PLCXD3: variants seen among roughly 807,000 people sequenced by gnomAD.
The protein encoded by PLCXD3 is PI-PLC X domain-containing protein 3.
Under a neutral mutation model 25.5 loss-of-function variants are expected in PLCXD3, and 19 were observed. The ratio of observed to expected loss-of-function variants is 0.75; its 90% confidence interval spans 0.52 to 1.09. PLCXD3 has a LOEUF of 1.09. Among genes scored for constraint, PLCXD3 ranks in the 50% least tolerant of loss-of-function variants. PLCXD3 has a pLI of 0.00. For missense variants in PLCXD3, 411 were observed against 388.1 expected (o/e 1.06, Z -0.50); for synonymous variants, 174 against 137.6 (o/e 1.26, Z -1.85).
intron 2 of PLCXD3, among the ~76,000 whole-genome samples, chr5:41,353,967 T>C (rs1190108749): frequency 6.6e-6 from 1 of 152,186 alleles, no homozygotes; most frequent in African/African-American, 2.4e-5. Context: ...CTAGAATATG[T>C]GCCCATTTTT....
At chr5:41,317,569 C>CA (rs1743339036) in intron 2 of PLCXD3, among the ~76,000 whole-genome samples, 1 of 147,956 alleles carries the variant, frequency 6.8e-6, no homozygotes, top group African/African-American at 2.7e-5. Flanking sequence ...ACCTTTCAGA[C>CA]AAAGAACTCA....
At chr5:41,412,868 A>T (rs1253665644) in intron 1 of PLCXD3, among the ~76,000 whole-genome samples, 1 of 152,232 alleles carries the variant, frequency 6.6e-6, no homozygotes, top group African/African-American at 2.4e-5. Context: ...GGAAAACTGT[A>T]AAGCCTTTCT....
intron 2 of PLCXD3, among the ~76,000 whole-genome samples, chr5:41,361,517 G>A (rs1446890242): frequency 6.6e-6 from 1 of 152,224 alleles, no homozygotes; most frequent in East Asian, 1.9e-4. Context: ...CCCTGCAGGA[G>A]CTGCAAGCTA....
intron 2 of PLCXD3, among the ~76,000 whole-genome samples, chr5:41,329,111 G>GTTT (rs1283687177): frequency 6.6e-6 from 1 of 152,122 alleles, no homozygotes; most frequent in Non-Finnish European, 1.5e-5. Flanking sequence ...GAAACTTCTG[G>GTTT]TTTGTTGTTG....
intron 2 of PLCXD3, among the ~76,000 whole-genome samples, chr5:41,335,676 T>C (rs1190795003): frequency 1.3e-5 from 2 of 152,144 alleles, no homozygotes; most frequent in African/African-American, 4.8e-5. Context: ...ATGGCATTCA[T>C]ACATTTGCTC....
intron 2 of PLCXD3, among the ~76,000 whole-genome samples, chr5:41,340,909 T>C (rs1333913463): frequency 6.6e-6 from 1 of 152,160 alleles, no homozygotes; most frequent in Non-Finnish European, 1.5e-5. Flanking sequence ...ATAATAGGTC[T>C]TACTCCTGGC....
At chr5:41,463,063 AC>A (rs1747931563) in intron 1 of PLCXD3, among the ~76,000 whole-genome samples, 2 of 152,134 alleles carry the variant, frequency 1.3e-5, no homozygotes, top group South Asian at 4.1e-4. Context: ...AAAGTAAGAA[AC>A]TAGAAATAGC....
intron 1 of PLCXD3, among the ~76,000 whole-genome samples, chr5:41,471,151 G>T (rs1021438669): frequency 1.2e-4 from 19 of 152,060 alleles, no homozygotes; most frequent in Admixed American, 1.2e-3. Context: ...AGTACCCTCT[G>T]CAAGGACACC....
chr5:41,451,640 TC>T lies in PLCXD3; in HGVS notation c.103+58783del, dbSNP rs201496925. On this transcript the variant is annotated intron_variant, in intron 1 of 2. Coordinates refer to ENST00000377801, the MANE Select transcript of PLCXD3 (RefSeq NM_001005473.3). The stretch of plus-strand genomic sequence containing the variant: ...TGGTAGATCTGAGATCTTTCCTCTC[TC>T]TTTTTTTTTTTTATGTTGGATGTCC... 9.7e-3 allele frequency among the ~76,000 whole-genome samples: 1,398 copies of T among 144,536 alleles called. 20 individuals are homozygous for T. The highest frequency in any genetic ancestry group is 0.024 in the African/African-American group (953 of 40,080). The allele number at this position is 144,536 out of a possible 152,430, so 94.8% of individuals were successfully genotyped here.
chr5:41,423,987 C>T lies in PLCXD3; in HGVS notation c.104-41453G>A, dbSNP rs554193216. Reference sequence around the variant, plus strand: ...GTGAGAATACTTAAGACCAACTCTTCAAGCACTTTTCAAATATACAATATA... The same window carrying T: ...GTGAGAATACTTAAGACCAACTCTTTAAGCACTTTTCAAATATACAATATA... On this transcript the variant is annotated intron_variant, in intron 1 of 2. Coordinates refer to ENST00000377801, the MANE Select transcript of PLCXD3 (RefSeq NM_001005473.3). Among the ~76,000 whole-genome samples the T allele has an allele frequency of 4.6e-4, 70 of 152,266 alleles. 1 individual carries two copies. The Middle Eastern group carries it at 0.02, about 44-fold the overall frequency.
chr5:41,443,812 T>G (rs938623729), intron 1 of PLCXD3, among the ~76,000 whole-genome samples: 2 of 152,212 alleles, frequency 1.3e-5, no homozygotes, highest in Admixed American at 1.3e-4. Context: ...TACCTAAGTA[T>G]AAGCACCAGG....
intron 1 of PLCXD3, among the ~76,000 whole-genome samples, chr5:41,498,020 C>G (rs1381957644): frequency 6.6e-6 from 1 of 151,430 alleles, no homozygotes. Flanking sequence ...GAAAACACAA[C>G]ATTCCAAAAC....
chr5:41,431,043 A>C (rs1224522272), intron 1 of PLCXD3, among the ~76,000 whole-genome samples: 1 of 152,196 alleles, frequency 6.6e-6, no homozygotes, highest in Non-Finnish European at 1.5e-5. Context: ...TTCTTTACTG[A>C]GAAACTTATT....
chr5:41,453,852 C>G (rs534694419), intron 1 of PLCXD3, among the ~76,000 whole-genome samples: 1 of 151,996 alleles, frequency 6.6e-6, no homozygotes, highest in Non-Finnish European at 1.5e-5. Context: ...TCACTCAGTC[C>G]CTGGTGTTCT....
At chr5:41,452,129 T>A (rs777150858) in intron 1 of PLCXD3, among the ~76,000 whole-genome samples, 1 of 152,048 alleles carries the variant, frequency 6.6e-6, no homozygotes, top group Non-Finnish European at 1.5e-5. Flanking sequence ...CTCCCAAATT[T>A]GCTCCTTCTT....
intron 1 of PLCXD3, among the ~76,000 whole-genome samples, chr5:41,422,837 C>T (rs559400967): frequency 2.6e-5 from 4 of 152,082 alleles, no homozygotes; most frequent in Non-Finnish European, 2.9e-5. Flanking sequence ...GCTGGTCCTC[C>T]AACCCAGTGC....
intron 1 of PLCXD3, among the ~76,000 whole-genome samples, chr5:41,456,187 AGT>A (rs1320102192): frequency 6.6e-6 from 1 of 151,942 alleles, no homozygotes; most frequent in Non-Finnish European, 1.5e-5. Context: ...AGAGATCTGA[AGT>A]GTGTGATTTA....
intron 1 of PLCXD3, among the ~76,000 whole-genome samples, chr5:41,475,395 C>T (rs1748258130): frequency 1.3e-5 from 2 of 152,156 alleles, no homozygotes; most frequent in Admixed American, 1.3e-4. Flanking sequence ...CTGCTGGCTT[C>T]TGCTAGTCTC....
chr5:41,385,126 A>G (rs1365959670), intron 1 of PLCXD3, among the ~76,000 whole-genome samples: 3 of 152,126 alleles, frequency 2.0e-5, no homozygotes, highest in Non-Finnish European at 4.4e-5. Flanking sequence ...GTTTGAATGT[A>G]AAGCAAAAAT....
Sources: gnomAD v4.1 joint callset for allele counts (sites outside exome capture counted in the v4.1 genomes callset) on GRCh38, gnomAD v4.1.1 for gene constraint, MANE v1.5 for transcripts, NCBI Gene and HGNC (gene_info 2026-07-23, HGNC 2026-07-21) for gene names.